The following CEP112 variants were observed in gnomAD, a reference collection of about 807,000 sequenced individuals.
CEP112 encodes the protein centrosomal protein of 112 kDa.
A neutral mutation model predicts 153.0 loss-of-function variants in CEP112; 127 were observed. That is an observed-to-expected ratio of 0.83 (90% CI 0.72 to 0.96). The LOEUF is 0.96. CEP112 is among the 40% of genes least tolerant of loss of function. The pLI, the probability that CEP112 is intolerant of heterozygous loss-of-function variation, is 0.00. For synonymous variants in CEP112, 358 were observed against 374.4 expected, an observed-to-expected ratio of 0.96 and a Z score of 0.51; for missense variants, 1,089 against 1,101.2, an observed-to-expected ratio of 0.99 and a Z score of 0.16.
At chr17:65,969,601 AAT>A (rs2062566638) in intron 17 of CEP112, among the ~76,000 whole-genome samples, 1 of 152,204 alleles carries the variant, frequency 6.6e-6, no homozygotes, top group Non-Finnish European at 1.5e-5. Context: ...TGCATGCACG[AAT>A]ATTACATGTG....
chr17:66,125,722 C>G (rs1055910394), intron 6 of CEP112, among the ~76,000 whole-genome samples: 10 of 147,514 alleles, frequency 6.8e-5, no homozygotes, highest in African/African-American at 2.5e-4. Flanking sequence ...CAATAAAGAC[C>G]CATGAAGAAG....
intron 19 of CEP112, among the ~76,000 whole-genome samples, chr17:65,923,408 G>A (rs59583944): frequency 0.038 from 5,712 of 152,028 alleles, 322 homozygotes; most frequent in African/African-American, 0.12. Flanking sequence ...GACCAGGCAC[G>A]GTGGCTCAAG....
At chr17:65,637,838 T>TTGAA (rs913857241) in intron 25 of CEP112, among the ~76,000 whole-genome samples, 2 of 152,228 alleles carry the variant, frequency 1.3e-5, no homozygotes, top group African/African-American at 4.8e-5. Flanking sequence ...TCACTAGCTG[T>TTGAA]TGAATGAATG....
chr17:66,014,509 C>A (rs1161090420), intron 16 of CEP112, among the ~76,000 whole-genome samples: 1 of 152,154 alleles, frequency 6.6e-6, no homozygotes, highest in Non-Finnish European at 1.5e-5. Flanking sequence ...GCCATGCCCC[C>A]CTGCAAACAT....
chr17:65,998,561 G>A (rs2063887198), intron 17 of CEP112, among the ~76,000 whole-genome samples: 1 of 151,554 alleles, frequency 6.6e-6, no homozygotes, highest in Admixed American at 6.6e-5. Flanking sequence ...AAAAAAAACT[G>A]ATGTCAGGAA....
intron 6 of CEP112, among the ~76,000 whole-genome samples, chr17:66,117,952 A>G (rs1002969538): frequency 6.6e-6 from 1 of 152,220 alleles, no homozygotes; most frequent in African/African-American, 2.4e-5. Flanking sequence ...AATCAAAACC[A>G]TAATGAGATA....
rs1330887540 is a variant in CEP112, at chr17:65,673,243, G to A, written c.2697+15886C>T. 2.0e-5 allele frequency among the ~76,000 whole-genome samples: 3 copies of A among 152,224 alleles called. No homozygotes were observed. In the East Asian group the frequency reaches 5.8e-4, roughly 29 times the overall value. On this transcript the variant is annotated intron_variant, in intron 24 of 26. Transcript: ENST00000535342. ...CTGCGCGTCCCTCTCATCTCCTTGC[G>A]ACTGCTATTCCTCATCATGTTGTCC... is the stretch of plus-strand genomic sequence containing the variant.
intron 6 of CEP112, among the ~76,000 whole-genome samples, chr17:66,098,060 C>T (rs1053560519): frequency 6.6e-6 from 1 of 152,216 alleles, no homozygotes; most frequent in African/African-American, 2.4e-5. Context: ...CTACAGCTTA[C>T]TCTTGTGCCA....
intron 4 of CEP112, among the ~76,000 whole-genome samples, chr17:66,171,281 TA>T (rs2072232463): frequency 6.6e-6 from 1 of 152,056 alleles, no homozygotes; most frequent in South Asian, 2.1e-4. Flanking sequence ...CAGGATTTTA[TA>T]AAGTGATCAA....
intron 21 of CEP112, among the ~76,000 whole-genome samples, chr17:65,757,812 T>G (rs1428768111): frequency 6.6e-6 from 1 of 152,176 alleles, no homozygotes; most frequent in Non-Finnish European, 1.5e-5. Context: ...CCTAAAGCAT[T>G]TTTTGAATAG....
intron 22 of CEP112, among the ~76,000 whole-genome samples, chr17:65,749,247 C>T (rs192005815): frequency 6.6e-6 from 1 of 152,224 alleles, no homozygotes; most frequent in East Asian, 1.9e-4. Context: ...TGGCTCATGC[C>T]TGTAATCCCA....
chr17:66,173,735 C>T (rs2072343740), intron 4 of CEP112, among the ~76,000 whole-genome samples: 1 of 152,220 alleles, frequency 6.6e-6, no homozygotes, highest in Non-Finnish European at 1.5e-5. Flanking sequence ...TACACCTCTT[C>T]TAATTGTAAT....
chr17:66,034,999 TA>T (rs2145775391), intron 12 of CEP112, among the ~76,000 whole-genome samples: 1 of 113,342 alleles, frequency 8.8e-6, no homozygotes, highest in South Asian at 4.2e-4. Flanking sequence ...TATACATATA[TA>T]TATATATATT....
At chr17:65,939,847 G>A (rs919819754) in intron 18 of CEP112, among the ~76,000 whole-genome samples, 4 of 152,086 alleles carry the variant, frequency 2.6e-5, no homozygotes, top group African/African-American at 9.7e-5. Context: ...TCTTGGATAT[G>A]ACAATAAAAG....
At chr17:66,128,162 G>T (rs2069942307) in intron 6 of CEP112, among the ~76,000 whole-genome samples, 1 of 151,852 alleles carries the variant, frequency 6.6e-6, no homozygotes, top group African/African-American at 2.4e-5. Context: ...AATTAGCCAG[G>T]CATGGTGGCA....
intron 16 of CEP112, among the ~76,000 whole-genome samples, chr17:66,021,653 A>C (rs1008734912): frequency 2.6e-5 from 4 of 152,146 alleles, no homozygotes; most frequent in African/African-American, 9.6e-5. Flanking sequence ...TTGGTGCAGC[A>C]GTGGTTGCTC....
intron 12 of CEP112, among the ~76,000 whole-genome samples, chr17:66,050,159 C>T (rs777351611): frequency 4.6e-5 from 7 of 152,108 alleles, no homozygotes; most frequent in Admixed American, 6.5e-5. Flanking sequence ...AGTGGGGTCA[C>T]ATTTTTTTCT....
chr17:65,693,371 A>G (rs190333702), intron 23 of CEP112, among the ~76,000 whole-genome samples: 2 of 152,190 alleles, frequency 1.3e-5, no homozygotes, highest in Admixed American at 1.3e-4. Flanking sequence ...CTTTTTCCAC[A>G]GAAGCATTTG....
intron 24 of CEP112, among the ~76,000 whole-genome samples, chr17:65,683,926 A>G (rs1019844461): frequency 6.6e-6 from 1 of 152,180 alleles, no homozygotes; most frequent in East Asian, 1.9e-4. Context: ...CTGTAATCCC[A>G]GCTACTCGGA....
Sources: gnomAD v4.1 joint callset for allele counts (sites outside exome capture counted in the v4.1 genomes callset) on GRCh38, gnomAD v4.1.1 for gene constraint, MANE v1.5 for transcripts, NCBI Gene and HGNC (gene_info 2026-07-23, HGNC 2026-07-21) for gene names.